NELL1: variants seen among roughly 807,000 people sequenced by gnomAD.
NELL1 encodes the protein protein kinase C-binding protein NELL1.
In NELL1, 76 loss-of-function variants were observed where a neutral mutation model predicts 107.4. That is an observed-to-expected ratio of 0.71 (90% CI 0.59 to 0.86). The LOEUF (loss-of-function observed/expected upper bound fraction) is 0.86. NELL1 is among the 40% of genes least tolerant of loss of function. The pLI, the probability that NELL1 is intolerant of heterozygous loss-of-function variation, is 0.00. For synonymous variants in NELL1, 353 were observed against 341.2 expected, an observed-to-expected ratio of 1.03 and a Z score of -0.38; for missense variants, 1,024 against 1,005.5, an observed-to-expected ratio of 1.02 and a Z score of -0.25.
intron 13 of NELL1, among the ~76,000 whole-genome samples, chr11:21,169,482 T>A (rs1421997065): frequency 6.6e-6 from 1 of 151,896 alleles, no homozygotes; most frequent in Admixed American, 6.5e-5. Context: ...GGGTATACAT[T>A]TCTGTTGCTG....
intron 7 of NELL1, among the ~76,000 whole-genome samples, chr11:20,923,148 T>C (rs1850417665): frequency 6.6e-6 from 1 of 152,134 alleles, no homozygotes; most frequent in Non-Finnish European, 1.5e-5. Flanking sequence ...GTGGAAACCC[T>C]GGAGCCCTTC....
chr11:21,200,609 T>C (rs1857248466), intron 13 of NELL1, among the ~76,000 whole-genome samples: 1 of 152,244 alleles, frequency 6.6e-6, no homozygotes. Flanking sequence ...TGATAGTTTC[T>C]TTTGCTGTGC....
intron 14 of NELL1, among the ~76,000 whole-genome samples, chr11:21,264,996 G>T (rs1363928148): frequency 6.6e-6 from 1 of 151,962 alleles, no homozygotes; most frequent in African/African-American, 2.4e-5. Flanking sequence ...CATAGTAAAG[G>T]CCTTAGGTAA....
rs187262678 is a variant in NELL1 at position 21,555,908 on chromosome 11, T to C, written c.1787-4281T>C. On this transcript the variant is annotated intron_variant, in intron 16 of 19. Transcript: ENST00000357134. ...TGCTAAAGGGAACACAATATCCAAG[T>C]GTGGTATGGCCAGCACATGATAGAG... 1.0e-3 allele frequency among the ~76,000 whole-genome samples: 156 copies of C among 152,050 alleles called. 1 individual carries two copies. The highest frequency in any genetic ancestry group is 1.6e-3 in the Non-Finnish European group (109 of 67,950).
intron 2 of NELL1, among the ~76,000 whole-genome samples, chr11:20,743,861 C>T (rs761365909): frequency 3.0e-4 from 46 of 152,200 alleles, no homozygotes; most frequent in Non-Finnish European, 4.4e-4. Context: ...GCATCTCAAA[C>T]ATGGTATGCC....
intron 15 of NELL1, among the ~76,000 whole-genome samples, chr11:21,494,574 A>T (rs943583196): frequency 2.0e-5 from 3 of 151,944 alleles, no homozygotes; most frequent in Non-Finnish European, 1.5e-5. Flanking sequence ...ATTATACTAT[A>T]TATTTTGGGA....
At chr11:21,307,703 T>C (rs1226910642) in intron 14 of NELL1, among the ~76,000 whole-genome samples, 1 of 151,928 alleles carries the variant, frequency 6.6e-6, no homozygotes, top group African/African-American at 2.4e-5. Context: ...TGACAAAATA[T>C]AGTAGTGACA....
At chr11:21,218,410 A>G (rs1042305076) in intron 13 of NELL1, among the ~76,000 whole-genome samples, 1 of 152,218 alleles carries the variant, frequency 6.6e-6, no homozygotes, top group African/African-American at 2.4e-5. Flanking sequence ...ACATTTAAAT[A>G]CATGAATACA....
chr11:20,790,028 G>A (rs569816337), intron 3 of NELL1, among the ~76,000 whole-genome samples: 3 of 152,340 alleles, frequency 2.0e-5, no homozygotes, highest in Non-Finnish European at 2.9e-5. Flanking sequence ...GCCTCAGAGG[G>A]GAGGAAGTGC....
intron 15 of NELL1, among the ~76,000 whole-genome samples, chr11:21,424,915 G>T (rs564921625): frequency 2.0e-5 from 3 of 152,216 alleles, no homozygotes; most frequent in Non-Finnish European, 4.4e-5. Flanking sequence ...GAAAAGAAGG[G>T]ATAACTTCTT....
chr11:21,193,955 T>C (rs1195504193), intron 13 of NELL1, among the ~76,000 whole-genome samples: 1 of 151,756 alleles, frequency 6.6e-6, no homozygotes, highest in African/African-American at 2.4e-5. Context: ...CTTTGAGGAG[T>C]CTCACAGATG....
At chr11:21,336,665 A>T (rs1419978412) in intron 14 of NELL1, among the ~76,000 whole-genome samples, 1 of 94,228 alleles carries the variant, frequency 1.1e-5, no homozygotes, top group Non-Finnish European at 2.2e-5. Flanking sequence ...ATATATATAT[A>T]TATATATATA....
intron 12 of NELL1, among the ~76,000 whole-genome samples, chr11:21,021,381 A>G (rs1386753637): frequency 6.6e-6 from 1 of 152,064 alleles, no homozygotes; most frequent in Non-Finnish European, 1.5e-5. Flanking sequence ...TCAATTAACT[A>G]TGGCCCATAG....
chr11:21,203,970 G>C (rs1476154878), intron 13 of NELL1, among the ~76,000 whole-genome samples: 1 of 152,168 alleles, frequency 6.6e-6, no homozygotes, highest in Non-Finnish European at 1.5e-5. Flanking sequence ...GGTTTCTTTA[G>C]AGAGATCCAC....
At chr11:21,458,918 C>T (rs553323323) in intron 15 of NELL1, among the ~76,000 whole-genome samples, 1 of 106,936 alleles carries the variant, frequency 9.4e-6, no homozygotes. Flanking sequence ...CAGGAACTCA[C>T]AATATTAATA....
At chr11:21,544,199 C>T (rs1856370777) in intron 16 of NELL1, among the ~76,000 whole-genome samples, 1 of 151,946 alleles carries the variant, frequency 6.6e-6, no homozygotes, top group Non-Finnish European at 1.5e-5. Context: ...AGAAAACTTA[C>T]AAAAACCTTC....
At chr11:21,446,341 G>A (rs968237201) in intron 15 of NELL1, among the ~76,000 whole-genome samples, 14 of 151,918 alleles carry the variant, frequency 9.2e-5, no homozygotes, top group African/African-American at 3.1e-4. Context: ...ATTTTTCCCT[G>A]GTGCCTTATT....
intron 3 of NELL1, among the ~76,000 whole-genome samples, chr11:20,788,136 T>C (rs1857005293): frequency 6.6e-6 from 1 of 152,256 alleles, no homozygotes; most frequent in Non-Finnish European, 1.5e-5. Context: ...TTGTTTCCAC[T>C]CTTGGCTATT....
At chr11:21,344,736 G>A (rs1850649448) in intron 14 of NELL1, among the ~76,000 whole-genome samples, 1 of 151,974 alleles carries the variant, frequency 6.6e-6, no homozygotes, top group Non-Finnish European at 1.5e-5. Context: ...CCAACGCATC[G>A]GTTTTTCTAT....
Sources: gnomAD v4.1 joint callset for allele counts (sites outside exome capture counted in the v4.1 genomes callset) on GRCh38, gnomAD v4.1.1 for gene constraint, MANE v1.5 for transcripts, NCBI Gene and HGNC (gene_info 2026-07-23, HGNC 2026-07-21) for gene names.